The following IL20RA variants were observed in gnomAD, a reference collection of about 807,000 sequenced individuals.
The protein encoded by IL20RA is interleukin 20 receptor subunit alpha.
A neutral mutation model predicts 36.5 loss-of-function variants in IL20RA; 29 were observed. The observed-to-expected ratio is 0.79, with a 90% CI of 0.59 to 1.08. The LOEUF (loss-of-function observed/expected upper bound fraction) is 1.08, where lower values mean the gene tolerates loss of function less well. IL20RA is among the 50% of genes least tolerant of loss of function. The probability of loss-of-function intolerance (pLI) is 0.00; values close to 1 mark genes in which losing one functional copy is unlikely to be tolerated. For missense variants in IL20RA, 652 were observed against 668.4 expected, an observed-to-expected ratio of 0.98 and a Z score of 0.27; for synonymous variants, 279 against 267.1, an observed-to-expected ratio of 1.04 and a Z score of -0.43.
chr6:137,001,412 T>C lies in IL20RA; in HGVS notation c.*146A>G. 2.8e-6 allele frequency: 2 copies of C among 725,460 alleles called. No individual in the cohort carries two copies. Among genetic ancestry groups the C allele is most frequent in the Non-Finnish European group, 4.5e-6 (2 of 439,672 alleles). The allele number at this position is 725,460 out of a possible 1,614,324, so 44.9% of individuals were successfully genotyped here. A position where few individuals can be genotyped will look rare whatever the true frequency, so the allele number is the denominator to read the frequency against. ...GCATGAACCAATCACACACGTGCTA[T>C]GAGAATAGAGAAAAGAAATAAGTAA... On this transcript the variant is annotated 3_prime_UTR_variant, in exon 7 of 7. Coordinates refer to ENST00000316649, the MANE Select transcript of IL20RA (RefSeq NM_014432.4).
chr6:137,017,623 T>G (rs1307644897), intron 1 of IL20RA, among the ~76,000 whole-genome samples: 1 of 152,162 alleles, frequency 6.6e-6, no homozygotes, highest in Admixed American at 6.5e-5. Flanking sequence ...TAAAACAATC[T>G]CTTTATTAAA....
At chr6:137,013,030 A>G (rs1299902404) in intron 2 of IL20RA, among the ~76,000 whole-genome samples, 1 of 152,162 alleles carries the variant, frequency 6.6e-6, no homozygotes, top group Non-Finnish European at 1.5e-5. Flanking sequence ...ATTGTGATTC[A>G]GCTCACAAAA....
intron 1 of IL20RA, 61 bp downstream of exon 1, chr6:137,044,580 C>T: frequency 8.2e-7 from 1 of 1,213,696 alleles, no homozygotes; most frequent in Non-Finnish European, 1.0e-6. Context: ...TCGAGCTCTG[C>T]CTGGCGGGGC....
intron 5 of IL20RA, among the ~76,000 whole-genome samples, chr6:137,008,029 T>C (rs1461921601): frequency 1.3e-5 from 2 of 152,214 alleles, no homozygotes; most frequent in Non-Finnish European, 2.9e-5. Context: ...TGGAGTGCAG[T>C]GGTGCACCTA....
chr6:137,001,548 A>G lies in IL20RA; in HGVS notation c.*10T>C. ...GCACAGGAAACAAAAGGCAAAAGGA[A>G]GTGTTGGCATCAGTTTTCCATCTGC... On this transcript the variant is annotated 3_prime_UTR_variant, in exon 7 of 7. Transcript: ENST00000316649. The G allele has an allele frequency of 6.6e-7, 1 of 1,523,248 alleles. No individual in the cohort carries two copies. The highest frequency in any genetic ancestry group is 8.8e-7 in the Non-Finnish European group (1 of 1,133,800). The allele number at this position is 1,523,248 out of a possible 1,614,324, so 94.4% of individuals were successfully genotyped here. A position where few individuals can be genotyped will look rare whatever the true frequency, so the allele number is the denominator to read the frequency against.
At chr6:137,005,467 C>A (rs1263682523) in intron 5 of IL20RA, among the ~76,000 whole-genome samples, 1 of 152,130 alleles carries the variant, frequency 6.6e-6, no homozygotes, top group Non-Finnish European at 1.5e-5. Context: ...GCAGCCCTGG[C>A]CCACACCATT....
intron 1 of IL20RA, among the ~76,000 whole-genome samples, chr6:137,036,916 G>A (rs1436631204): frequency 1.3e-5 from 2 of 152,166 alleles, no homozygotes; most frequent in Admixed American, 1.3e-4. Flanking sequence ...AAGATGAGGG[G>A]ACTGATGTTG....
chr6:137,041,052 AT>A (rs1776676053), intron 1 of IL20RA, among the ~76,000 whole-genome samples: 1 of 152,254 alleles, frequency 6.6e-6, no homozygotes, highest in Non-Finnish European at 1.5e-5. Context: ...TGAAGTGACA[AT>A]TTATGTGGCA....
chr6:137,026,701 G>A (rs1242650628), intron 1 of IL20RA, among the ~76,000 whole-genome samples: 2 of 152,152 alleles, frequency 1.3e-5, no homozygotes, highest in Non-Finnish European at 2.9e-5. Flanking sequence ...TCTAACCGCC[G>A]AAGAGCAAAA....
rs1004598193 is a variant in IL20RA, at chr6:137,000,084, G to A, written c.*1474C>T. On this transcript the variant is annotated 3_prime_UTR_variant, in exon 7 of 7. Transcript: ENST00000316649. ...TCTGTTCTTCAAAACCAGCAGAATCGTTTCTATAAAGATTGAGAATAACAG... is the reference window on the plus strand; with the variant it reads ...TCTGTTCTTCAAAACCAGCAGAATCATTTCTATAAAGATTGAGAATAACAG... 8 of 152,074 alleles carry A rather than the reference G, an allele frequency of 5.3e-5. No individual in the cohort carries two copies. The highest frequency in any genetic ancestry group is 4.1e-4 in the South Asian group (2 of 4,834). 9.4% of individuals were successfully genotyped at this position (152,074 alleles called of 1,614,324 possible).
At chr6:137,020,137 C>T (rs1277183538) in intron 1 of IL20RA, among the ~76,000 whole-genome samples, 1 of 152,222 alleles carries the variant, frequency 6.6e-6, no homozygotes, top group African/African-American at 2.4e-5. Flanking sequence ...TTGTGAGTGG[C>T]CCTGTGGAGG....
chr6:137,031,382 T>C (rs276504), intron 1 of IL20RA, among the ~76,000 whole-genome samples: 76,384 of 152,082 alleles, frequency 0.5, 22,101 homozygotes, highest in African/African-American at 0.8. Context: ...TCAGAAATAA[T>C]GTCACGTGCT....
At position 137,016,973 on chromosome 6, in the gene IL20RA, A is replaced by G. The variant is rs1188366486; in HGVS notation, c.219T>C (p.Tyr73=). ...QGVKVTYTVQ[Y]FIYGQKKWLN... ...AAGGAAAAGAAGAAACTTACATGAA[A>G]TACTGCACAGTGTAAGTAACTTTAA... The change falls in exon 2 of 7, where the codon TAT becomes TAC. Residue 73 remains tyrosine (Y), a synonymous_variant. Transcript: ENST00000316649. The G allele has an allele frequency of 6.2e-7, 1 of 1,613,532 alleles. No individual in the cohort carries two copies. Among genetic ancestry groups the G allele is most frequent in the Non-Finnish European group, 8.5e-7 (1 of 1,179,602 alleles).
chr6:137,036,231 T>C (rs1776489488), intron 1 of IL20RA, among the ~76,000 whole-genome samples: 1 of 152,240 alleles, frequency 6.6e-6, no homozygotes, highest in Admixed American at 6.5e-5. Context: ...CCACTGCATG[T>C]GGCTGAGAAA....
chr6:137,037,678 G>T (rs1038540426), intron 1 of IL20RA, among the ~76,000 whole-genome samples: 3 of 152,130 alleles, frequency 2.0e-5, no homozygotes, highest in African/African-American at 4.8e-5. Flanking sequence ...GTCTCATCAT[G>T]ATCTATAGGA....
rs750027851 is a variant in IL20RA, at chr6:137,001,879, C to G, written c.1341G>C (p.Gln447His). 1 of 1,613,764 alleles carries G rather than the reference C, an allele frequency of 6.2e-7. No homozygotes were observed. Among genetic ancestry groups the G allele is most frequent in the Non-Finnish European group, 8.5e-7 (1 of 1,179,860 alleles). ...CTTGGAGCTGAGGGGTGTATGAGTA[C>G]TGTAACGTTTGCGGGCCCAAGACTG... ...ALAVLGPQTL[Q>H]YSYTPQLQDL... Residue 447 changes from glutamine to histidine, a missense_variant, in exon 7 of 7, where the codon CAG becomes CAC. Coordinates refer to ENST00000316649, the MANE Select transcript of IL20RA (RefSeq NM_014432.4).
At chr6:137,021,502 C>CAAAAA (rs3041896) in intron 1 of IL20RA, among the ~76,000 whole-genome samples, 38 of 140,144 alleles carry the variant, frequency 2.7e-4, no homozygotes, top group African/African-American at 6.5e-4. Flanking sequence ...CTGTTTCTAG[C>CAAAAA]AAAAAAAAAA....
intron 1 of IL20RA, among the ~76,000 whole-genome samples, chr6:137,030,066 G>C (rs1776220056): frequency 1.4e-5 from 1 of 73,138 alleles, no homozygotes; most frequent in Admixed American, 1.7e-4. Flanking sequence ...TCAGCGGTTT[G>C]CGGGTTTTTT....
chr6:137,001,268 C>A lies in IL20RA; in HGVS notation c.*290G>T, dbSNP rs1015989183. The A allele has an allele frequency of 3.6e-6, 1 of 275,168 alleles. No individual in the cohort carries two copies. The highest frequency in any genetic ancestry group is 6.8e-6 in the Non-Finnish European group (1 of 147,440). 17.0% of individuals were successfully genotyped at this position (275,168 alleles called of 1,614,324 possible). The stretch of plus-strand genomic sequence containing the variant: ...AATGAACCAAGAGGCCAGAGTACAC[C>A]CACCTGAATAAATTCTGCACCCAGT... On this transcript the variant is annotated 3_prime_UTR_variant, in exon 7 of 7. Coordinates refer to ENST00000316649, the MANE Select transcript of IL20RA (RefSeq NM_014432.4).
Sources: allele counts gnomAD v4.1 joint callset (sites outside exome capture counted in the v4.1 genomes callset), GRCh38; gene constraint gnomAD v4.1.1; transcripts MANE v1.5; gene names NCBI Gene and HGNC (gene_info 2026-07-23, HGNC 2026-07-21).